EDEM3: variants seen among roughly 807,000 people sequenced by gnomAD.
The protein encoded by EDEM3 is ER degradation-enhancing alpha-mannosidase-like protein 3.
EDEM3 carries 60 observed loss-of-function variants against 110.2 expected under a neutral mutation model. The ratio of observed to expected loss-of-function variants is 0.54; its 90% CI spans 0.44 to 0.67. The LOEUF (loss-of-function observed/expected upper bound fraction) is 0.67. Ranked by LOEUF, EDEM3 falls within the 30% of genes least tolerant of loss-of-function variation. The pLI, the probability that EDEM3 is intolerant of heterozygous loss-of-function variation, is 0.00. For missense variants in EDEM3, 996 were observed against 1,121.0 expected (o/e 0.89, Z 1.59); for synonymous variants, 352 against 382.9 (o/e 0.92, Z 0.94).
chr1:184,749,134 A>T (rs926409365), intron 2 of EDEM3, among the ~76,000 whole-genome samples: 57 of 152,206 alleles, frequency 3.7e-4, no homozygotes, highest in Non-Finnish European at 6.6e-4. Flanking sequence ...GGATACAATT[A>T]GGACAGAGGC....
chr1:184,718,065 C>T (rs1395303557), intron 11 of EDEM3, among the ~76,000 whole-genome samples: 4 of 151,932 alleles, frequency 2.6e-5, no homozygotes, highest in Admixed American at 1.3e-4. Flanking sequence ...TATATTTATA[C>T]ACTATGAAAT....
At chr1:184,714,522 A>G (rs777123170) in intron 13 of EDEM3, among the ~76,000 whole-genome samples, 5 of 152,164 alleles carry the variant, frequency 3.3e-5, no homozygotes, top group African/African-American at 1.2e-4. Context: ...CCTGGAGGAC[A>G]GTGATAGTGC....
chr1:184,731,353 C>T (rs1393245884), intron 6 of EDEM3, among the ~76,000 whole-genome samples: 2 of 152,164 alleles, frequency 1.3e-5, no homozygotes, highest in Non-Finnish European at 2.9e-5. Flanking sequence ...CTTTAACTAT[C>T]AACACAGAAG....
intron 15 of EDEM3, 142 bp downstream of exon 15, chr1:184,711,580 AT>A (rs1251109675): frequency 1.9e-6 from 1 of 539,648 alleles, no homozygotes; most frequent in African/African-American, 2.0e-5. Context: ...ACTAATTTTT[AT>A]TTTAACCAGT....
rs1224378898 is a variant in EDEM3 at position 184,690,927 on chromosome 1, G to A, written c.*3136C>T. 1 of 152,242 alleles carries A rather than the reference G, an allele frequency of 6.6e-6. No homozygotes were observed. Among genetic ancestry groups the A allele is most frequent in the Non-Finnish European group, 1.5e-5 (1 of 67,980 alleles). The allele number at this position is 152,242 out of a possible 1,614,324, so 9.4% of individuals were successfully genotyped here. ...ATTACTTATGCTGAGCTTTCTTCATGATGAATTTGGCATGGGGTTTGGTGA... is the reference window on the plus strand; with the variant it reads ...ATTACTTATGCTGAGCTTTCTTCATAATGAATTTGGCATGGGGTTTGGTGA... On this transcript the variant is annotated 3_prime_UTR_variant, in exon 20 of 20. Transcript: ENST00000318130.
At chr1:184,710,901 C>T (rs550935212) in intron 15 of EDEM3, among the ~76,000 whole-genome samples, 24 of 152,126 alleles carry the variant, frequency 1.6e-4, no homozygotes, top group Non-Finnish European at 3.4e-4. Flanking sequence ...CAAATCAATA[C>T]TTGCATCAGT....
chr1:184,719,341 T>C, intron 10 of EDEM3, 96 bp from the exon 11 acceptor site: 1 of 1,531,350 alleles, frequency 6.5e-7, no homozygotes, highest in Non-Finnish European at 8.8e-7. Flanking sequence ...AATACAATTC[T>C]GAACTGCAAC....
intron 2 of EDEM3, among the ~76,000 whole-genome samples, chr1:184,747,520 T>C (rs1311965609): frequency 6.6e-6 from 1 of 152,184 alleles, no homozygotes; most frequent in Non-Finnish European, 1.5e-5. Flanking sequence ...CTCACACAGA[T>C]TGAATATAGA....
chr1:184,727,937 T>C (rs1467469952), intron 6 of EDEM3, among the ~76,000 whole-genome samples: 2 of 152,164 alleles, frequency 1.3e-5, no homozygotes, highest in Non-Finnish European at 2.9e-5. Flanking sequence ...ATAATTAACC[T>C]AAAATGAAGC....
intron 2 of EDEM3, among the ~76,000 whole-genome samples, chr1:184,744,674 A>T (rs1652331826): frequency 6.6e-6 from 1 of 152,058 alleles, no homozygotes; most frequent in Non-Finnish European, 1.5e-5. Context: ...ATACTCATTA[A>T]ATGGTGAATG....
chr1:184,754,752 T>G lies in EDEM3; in HGVS notation c.-106A>C. 7.1e-7 allele frequency: 1 copy of G among 1,412,992 alleles called. No homozygotes were observed. Among genetic ancestry groups the G allele is most frequent in the Admixed American group, 3.1e-5 (1 of 32,576 alleles). The allele number at this position is 1,412,992 out of a possible 1,614,324, so 87.5% of individuals were successfully genotyped here. On this transcript the variant is annotated 5_prime_UTR_variant, in exon 1 of 20. Transcript: ENST00000318130. ...CTAGCCGTGCCGAGACGGGGCGGGA[T>G]GCGGAGTAACACGGACGGCCGCCGG...
chr1:184,716,622 C>G (rs1266286412), intron 13 of EDEM3, among the ~76,000 whole-genome samples: 1 of 152,044 alleles, frequency 6.6e-6, no homozygotes, highest in African/African-American at 2.4e-5. Flanking sequence ...GTCCTAACAC[C>G]AAGGTTCTGA....
At position 184,723,865 on chromosome 1, in the gene EDEM3, TAAAA is replaced by T. The variant is rs71101940; in HGVS notation, c.748-13_748-10del. 267 of 1,089,684 alleles carry T rather than the reference TAAAA, an allele frequency of 2.5e-4. No individual in the cohort carries two copies. Among genetic ancestry groups the T allele is most frequent in the South Asian group, 5.0e-4 (26 of 51,974 alleles). The allele number at this position is 1,089,684 out of a possible 1,614,324, so 67.5% of individuals were successfully genotyped here. ...GCTTTTCTGGCATATTCCTGTAATT[TAAAA>T]AAAAAAAAAAAAAAAAGAAGTGCAT... On this transcript the variant is annotated splice_polypyrimidine_tract_variant and intron_variant, in intron 7 of 19. Transcript: ENST00000318130.
intron 7 of EDEM3, among the ~76,000 whole-genome samples, chr1:184,724,399 A>C (rs1651077424): frequency 6.6e-6 from 1 of 152,212 alleles, no homozygotes; most frequent in African/African-American, 2.4e-5. Flanking sequence ...TTAGGCTACC[A>C]AATATTTGAT....
Position 184,732,973 on chromosome 1 carries a change from T to C in EDEM3, c.476A>G (p.His159Arg), listed in dbSNP as rs1424829428. ...TTCTTTCAGCATGATTGCCAGGGAGTGCCCACCCAAAAGACCCCTAGGATC... is the reference window on the plus strand; with the variant it reads ...TTCTTTCAGCATGATTGCCAGGGAGCGCCCACCCAAAAGACCCCTAGGATC... ...IRVLGGLLGG[H>R]SLAIMLKEKG... The change falls in exon 6 of 20, where the codon CAC becomes CGC. Residue 159 changes from histidine to arginine, a missense_variant. By Grantham distance (29) the His-to-Arg change is conservative. Transcript: ENST00000318130. 1 of 1,613,638 alleles carries C rather than the reference T, an allele frequency of 6.2e-7. No individual in the cohort carries two copies. The highest frequency in any genetic ancestry group is 8.5e-7 in the Non-Finnish European group (1 of 1,179,732).
chr1:184,697,337 T>C (rs75239208), intron 19 of EDEM3, among the ~76,000 whole-genome samples: 1 of 151,912 alleles, frequency 6.6e-6, no homozygotes, highest in African/African-American at 2.4e-5. Flanking sequence ...ATGAATCTCA[T>C]TTGTACTTCT....
rs1299507571 is a variant in EDEM3 at position 184,690,344 on chromosome 1, C to A, written c.*3719G>T. The A allele has an allele frequency of 6.6e-6, 1 of 152,168 alleles. No homozygotes were observed. 9.4% of individuals were successfully genotyped at this position (152,168 alleles called of 1,614,324 possible). A position where few individuals can be genotyped will look rare whatever the true frequency, so the allele number is the denominator to read the frequency against. On this transcript the variant is annotated 3_prime_UTR_variant, in exon 20 of 20. Coordinates refer to ENST00000318130, the MANE Select transcript of EDEM3 (RefSeq NM_025191.4). ...CTTAGAACAAAATCCTTACTTTAGCCCACAAGCTTGGGTTTCTACAGCCTA... is the reference window on the plus strand; with the variant it reads ...CTTAGAACAAAATCCTTACTTTAGCACACAAGCTTGGGTTTCTACAGCCTA...
At chr1:184,699,855 C>T (rs531835126) in intron 19 of EDEM3, among the ~76,000 whole-genome samples, 27 of 151,948 alleles carry the variant, frequency 1.8e-4, no homozygotes, top group Non-Finnish European at 3.2e-4. Flanking sequence ...CTTAAAAATG[C>T]TGATGTTTTT....
At chr1:184,748,344 G>A (rs879838973) in intron 2 of EDEM3, among the ~76,000 whole-genome samples, 7 of 151,976 alleles carry the variant, frequency 4.6e-5, no homozygotes, top group Admixed American at 4.6e-4. Context: ...CTACTCAGGA[G>A]GCTGAGGCAG....
Sources: gnomAD v4.1 joint callset for allele counts (sites outside exome capture counted in the v4.1 genomes callset) on GRCh38, gnomAD v4.1.1 for gene constraint, MANE v1.5 for transcripts, NCBI Gene and HGNC (gene_info 2026-07-23, HGNC 2026-07-21) for gene names.